The following DMBT1 variants were observed in gnomAD, a reference collection of about 807,000 sequenced individuals.
DMBT1 encodes the protein deleted in malignant brain tumors 1, also known as scavenger receptor cysteine-rich domain-containing protein DMBT1.
In DMBT1, 198 loss-of-function variants were observed where a neutral mutation model predicts 252.9. That is an observed-to-expected ratio of 0.78 (90% CI 0.70 to 0.88). DMBT1 has a LOEUF of 0.88. Ranked by LOEUF, DMBT1 falls within the 40% of genes least tolerant of loss-of-function variation. The probability of loss-of-function intolerance (pLI) is 0.00; values close to 1 mark genes in which losing one functional copy is unlikely to be tolerated. For missense variants in DMBT1, 2,432 were observed against 2,404.7 expected (o/e 1.01, Z -0.24); for synonymous variants, 990 against 942.7 (o/e 1.05, Z -0.92).
At chr10:122,571,334 G>T (rs2133525689) in intron 4 of DMBT1, among the ~76,000 whole-genome samples, 1 of 152,274 alleles carries the variant, frequency 6.6e-6, no homozygotes, top group East Asian at 1.9e-4. Flanking sequence ...TTGTGGACTG[G>T]TTCTGATGAG....
In DMBT1 at chr10:122,619,327, G is replaced by A. The variant is rs764620172; in HGVS notation, c.5235G>A (p.Thr1745=). The change falls in exon 42 of 56, where the codon ACG becomes ACA. Residue 1745 remains threonine, a synonymous_variant. Coordinates refer to ENST00000338354, the MANE Select transcript of DMBT1 (RefSeq NM_001377530.1). Reference sequence around the variant, plus strand: ...TCACAGCTGCTCAGTCCCAGTCAACGCCCAGGCCAGGTGAGTCCCCAGCAT... The same window carrying A: ...TCACAGCTGCTCAGTCCCAGTCAACACCCAGGCCAGGTGAGTCCCCAGCAT... ...VICSAAQSQS[T]PRPDTWLTTN... 1.3e-4 allele frequency: 213 copies of A among 1,613,752 alleles called. No individual in the cohort carries two copies. The highest frequency in any genetic ancestry group is 4.9e-4 in the Middle Eastern group (3 of 6,084).
Position 122,636,008 on chromosome 10 carries a change from ACTAT to A in DMBT1, c.6567_6570del (p.Asn2189LysfsTer76). 5 of 1,613,990 alleles carry A rather than the reference ACTAT, an allele frequency of 3.1e-6. No homozygotes were observed. The highest frequency in any genetic ancestry group is 4.2e-6 in the Non-Finnish European group (5 of 1,179,888). On this transcript the variant is annotated frameshift_variant, in exon 53 of 56. Transcript: ENST00000338354. LOFTEE classifies it high-confidence loss of function. ...CTCTGCAGGCTTGAAGGTGGCTGCA[ACTAT>A]GATTATATTGAAGTTTTCGATGGCC...
At chr10:122,575,043 C>G (rs2097699930) in intron 6 of DMBT1, among the ~76,000 whole-genome samples, 1 of 152,192 alleles carries the variant, frequency 6.6e-6, no homozygotes, top group African/African-American at 2.4e-5. Flanking sequence ...TGTAGGTGCC[C>G]TGGACAAATT....
Position 122,590,009 on chromosome 10 carries a change from G to T in DMBT1, c.2108-656G>T, listed in dbSNP as rs1454994271. 1.3e-5 allele frequency among the ~76,000 whole-genome samples: 2 copies of T among 148,584 alleles called. 1 individual carries two copies. Among genetic ancestry groups the T allele is most frequent in the Non-Finnish European group, 3.0e-5 (2 of 66,734 alleles). Reference sequence around the variant, plus strand: ...TTCCCCCACTGAAAGGTTTAGGTGAGGGTGAGGTGGATGGAGCACATATAG... The same window carrying T: ...TTCCCCCACTGAAAGGTTTAGGTGATGGTGAGGTGGATGGAGCACATATAG... On this transcript the variant is annotated intron_variant, in intron 17 of 55. Transcript: ENST00000338354.
At chr10:122,631,484 A>G (rs574083030) in intron 49 of DMBT1, among the ~76,000 whole-genome samples, 21 of 152,306 alleles carry the variant, frequency 1.4e-4, no homozygotes, top group Middle Eastern at 3.4e-3. Context: ...CTGAACACTC[A>G]TCTGACTAAA....
chr10:122,643,153 T>G lies in DMBT1; in HGVS notation c.7384T>G (p.Ser2462Ala). The G allele has an allele frequency of 6.2e-7, 1 of 1,613,912 alleles. No homozygotes were observed. Among genetic ancestry groups the G allele is most frequent in the Non-Finnish European group, 8.5e-7 (1 of 1,179,876 alleles). ...GAGGGATGACACCTACGGACCCTAC[T>G]CCTCGCCATCTCTTCGCATTGCCCG... is the stretch of plus-strand genomic sequence containing the variant. Reference protein sequence around the residue: ...CVRDDTYGPYSSPSLRIARFR... With the variant: ...CVRDDTYGPYASPSLRIARFR... Residue 2462 changes from serine to alanine, a missense_variant, in exon 56 of 56, where the codon TCC becomes GCC. By Grantham distance (99) the Ser-to-Ala change is moderately conservative. This residue lies in a region of DMBT1 where 1,162 missense variants were observed against 1,169.0 expected (regional missense o/e 0.99). Transcript: ENST00000338354.
At chr10:122,625,205 G>A in intron 44 of DMBT1, 72 bp from the exon 45 acceptor site, 1 of 1,438,118 alleles carries the variant, frequency 7.0e-7, no homozygotes, top group Non-Finnish European at 9.7e-7. Flanking sequence ...GATGGGGACA[G>A]GCACTCAGCA....
At chr10:122,577,595 C>A (rs567457364) in intron 7 of DMBT1, among the ~76,000 whole-genome samples, 96 of 152,262 alleles carry the variant, frequency 6.3e-4, no homozygotes, top group Admixed American at 5.6e-3. Flanking sequence ...ACCTTCATAT[C>A]CCTGGAGAGT....
intron 55 of DMBT1, among the ~76,000 whole-genome samples, chr10:122,641,790 G>T (rs780689912): frequency 3.9e-5 from 6 of 152,156 alleles, no homozygotes; most frequent in Non-Finnish European, 2.9e-5. Flanking sequence ...TGCAGGGGTA[G>T]ATGTACCCTG....
rs775990685 is a variant in DMBT1 at position 122,598,802 on chromosome 10, G to A, written c.2985G>A (p.Leu995=). 6.2e-7 allele frequency: 1 copy of A among 1,613,468 alleles called. No homozygotes were observed. Among genetic ancestry groups the A allele is most frequent in the Non-Finnish European group, 8.5e-7 (1 of 1,179,742 alleles). The change falls in exon 26 of 56, where the codon CTG becomes CTA. Residue 995 remains leucine, a synonymous_variant. Transcript: ENST00000338354. ...VGSESSLALR[L]VNGGDRCQGR... The stretch of plus-strand genomic sequence containing the variant: ...CTGAATCCAGTTTGGCCCTGAGGCT[G>A]GTGAATGGAGGTGACAGGTGTCAGG...
rs549423455 is a variant in DMBT1, at chr10:122,561,954, CCTCT to C, written c.61+1132_61+1135del. ...CTATTGGGCAACTATTATCACCTTT[CCTCT>C]CTCTCTCTATCTGTTTCTCTTCATC... On this transcript the variant is annotated intron_variant, in intron 1 of 55. Transcript: ENST00000338354. 7.0e-3 allele frequency among the ~76,000 whole-genome samples: 1,051 copies of C among 150,712 alleles called. 9 individuals carry two copies. The highest frequency in any genetic ancestry group is 0.01 in the Non-Finnish European group (692 of 67,638).
At chr10:122,567,484 T>A (rs2097606463) in intron 2 of DMBT1, among the ~76,000 whole-genome samples, 1 of 152,132 alleles carries the variant, frequency 6.6e-6, no homozygotes, top group South Asian at 2.1e-4. Context: ...CCAGCTGGCC[T>A]TTCCTCCCTC....
intron 8 of DMBT1, among the ~76,000 whole-genome samples, chr10:122,578,052 C>CA (rs1404359173): frequency 6.6e-6 from 1 of 152,224 alleles, no homozygotes; most frequent in Non-Finnish European, 1.5e-5. Context: ...GCTTTCATCA[C>CA]ACAGTTCCAT....
At chr10:122,630,757 T>C (rs1303672341) in intron 48 of DMBT1, among the ~76,000 whole-genome samples, 2 of 152,016 alleles carry the variant, frequency 1.3e-5, no homozygotes, top group African/African-American at 4.8e-5. Context: ...CGTCTGGAGG[T>C]GAGGGGATCT....
intron 45 of DMBT1, 80 bp downstream of exon 45, chr10:122,625,383 G>A: frequency 7.4e-7 from 1 of 1,359,328 alleles, no homozygotes; most frequent in Non-Finnish European, 1.0e-6. Context: ...AGGAGGAGTA[G>A]GGTAGACTCC....
chr10:122,574,267 C>T (rs1399025592), intron 6 of DMBT1, among the ~76,000 whole-genome samples: 2 of 152,196 alleles, frequency 1.3e-5, no homozygotes, highest in Non-Finnish European at 2.9e-5. Flanking sequence ...TCATGTACTT[C>T]CCCCTTGGGT....
intron 7 of DMBT1, among the ~76,000 whole-genome samples, chr10:122,577,171 C>A (rs74658246): frequency 0.016 from 2,504 of 152,270 alleles, 64 homozygotes; most frequent in African/African-American, 0.057. Flanking sequence ...ATAACTCATA[C>A]CCCCATTTTC....
Position 122,618,043 on chromosome 10 carries a change from C to G in DMBT1, c.4918C>G (p.Leu1640Val). ...ATCTGAATCCACTTTGGCCCTGAGA[C>G]TGGTGAATGGAGGTGACAGGTGTCG... ...AGSESTLALR[L>V]VNGGDRCRGR... Residue 1640 changes from leucine to valine, a missense_variant, in exon 41 of 56, where the codon CTG (leucine) becomes GTG (valine). Physicochemically the swap from Leu to Val is conservative, Grantham distance 32. This residue lies in a region of DMBT1 where 1,162 missense variants were observed against 1,169.0 expected (regional missense o/e 0.99). Transcript: ENST00000338354. 1 of 1,613,256 alleles carries G rather than the reference C, an allele frequency of 6.2e-7. No homozygotes were observed. The highest frequency in any genetic ancestry group is 2.2e-5 in the East Asian group (1 of 44,838).
At chr10:122,589,546 G>A (rs1443661653) in intron 17 of DMBT1, among the ~76,000 whole-genome samples, 1 of 148,158 alleles carries the variant, frequency 6.7e-6, no homozygotes, top group Non-Finnish European at 1.5e-5. Flanking sequence ...CTGGGTCTTT[G>A]CATTTTAGTG....
Sources: gnomAD v4.1 joint callset for allele counts (sites outside exome capture counted in the v4.1 genomes callset) on GRCh38, gnomAD v4.1.1 for gene constraint, gnomAD v4.1.1 regional missense constraint, MANE v1.5 for transcripts, NCBI Gene and HGNC (gene_info 2026-07-23, HGNC 2026-07-21) for gene names.